The following CUBN variants were observed in gnomAD, a reference collection of about 807,000 sequenced individuals.
CUBN encodes cubilin.
A neutral mutation model predicts 405.3 loss-of-function variants in CUBN; 282 were observed. The observed-to-expected ratio is 0.70, with a 90% CI of 0.63 to 0.77. The LOEUF (loss-of-function observed/expected upper bound fraction) is 0.77, where lower values mean the gene tolerates loss of function less well. CUBN is among the 30% of genes least tolerant of loss of function. The pLI is 0.00. For synonymous variants in CUBN, 1,684 were observed against 1,617.0 expected, an observed-to-expected ratio of 1.04 and a Z score of -0.99; for missense variants, 4,514 against 4,475.2, an observed-to-expected ratio of 1.01 and a Z score of -0.25.
intron 13 of CUBN, among the ~76,000 whole-genome samples, chr10:17,101,727 G>T (rs1292751287): frequency 1.3e-5 from 2 of 152,138 alleles, no homozygotes; most frequent in Admixed American, 6.5e-5. Context: ...AGCGTTCACG[G>T]AGCGGCTCAG....
At chr10:16,844,269 C>CA (rs374730071) in intron 60 of CUBN, among the ~76,000 whole-genome samples, 82,124 of 132,078 alleles carry the variant, frequency 0.62, 27,478 homozygotes, top group Non-Finnish European at 0.75. Context: ...AACTCTGTCC[C>CA]CAAAAAAAAA....
At chr10:16,963,749 A>G (rs950289659) in intron 31 of CUBN, among the ~76,000 whole-genome samples, 1 of 152,246 alleles carries the variant, frequency 6.6e-6, no homozygotes, top group African/African-American at 2.4e-5. Context: ...TGTATGCATT[A>G]CAATGCAGAA....
intron 59 of CUBN, among the ~76,000 whole-genome samples, chr10:16,868,196 G>A (rs192307390): frequency 6.6e-6 from 1 of 152,192 alleles, no homozygotes; most frequent in Non-Finnish European, 1.5e-5. Flanking sequence ...CAGCTAAGTA[G>A]GGGAGGTGGC....
At chr10:16,989,897 G>A (rs1176696808) in intron 29 of CUBN, among the ~76,000 whole-genome samples, 5 of 152,194 alleles carry the variant, frequency 3.3e-5, no homozygotes, top group Non-Finnish European at 7.3e-5. Flanking sequence ...TCTTTCTGGG[G>A]GAGCTTTCTC....
intron 60 of CUBN, among the ~76,000 whole-genome samples, chr10:16,841,506 CCTAA>C (rs1435924643): frequency 7.9e-5 from 12 of 152,132 alleles, no homozygotes; most frequent in Non-Finnish European, 1.3e-4. Flanking sequence ...CTGAAATCCT[CCTAA>C]CTGCTTCCCA....
chr10:16,895,296 T>G (rs1309784038), intron 54 of CUBN, among the ~76,000 whole-genome samples: 1 of 152,088 alleles, frequency 6.6e-6, no homozygotes, highest in African/African-American at 2.4e-5. Context: ...AAATTGTGTA[T>G]TCTGATGTTG....
chr10:17,065,682 G>C (rs768862207), intron 21 of CUBN, 44 bp from the exon 22 acceptor site: 1 of 1,610,276 alleles, frequency 6.2e-7, no homozygotes, highest in Non-Finnish European at 8.5e-7. Context: ...TTTTAGTTTG[G>C]TATACTGAAA....
At chr10:17,002,630 C>T (rs1195105220) in intron 28 of CUBN, among the ~76,000 whole-genome samples, 1 of 152,144 alleles carries the variant, frequency 6.6e-6, no homozygotes, top group Non-Finnish European at 1.5e-5. Flanking sequence ...GTATTTACTG[C>T]TGTCGTCAAG....
chr10:16,973,891 T>C lies in CUBN; in HGVS notation c.4695+8593A>G, dbSNP rs545260874. On this transcript the variant is annotated intron_variant, in intron 31 of 66. Coordinates refer to ENST00000377833, the MANE Select transcript of CUBN (RefSeq NM_001081.4). ...CACGTTTTCTTCATCCCATCCACCA[T>C]TGATGGGCATCTAGGTTGATTCCAT... 2.2e-4 allele frequency among the ~76,000 whole-genome samples: 33 copies of C among 152,326 alleles called. 5 individuals carry two copies. The highest frequency in any genetic ancestry group is 6.8e-3 in the Middle Eastern group (2 of 294).
intron 31 of CUBN, among the ~76,000 whole-genome samples, chr10:16,979,508 A>C (rs771710460): frequency 2.8e-4 from 42 of 152,344 alleles, no homozygotes; most frequent in Middle Eastern, 3.4e-3. Context: ...AGACCAATGG[A>C]ACAGAAGAAA....
chr10:17,016,500 C>G (rs750513677), intron 28 of CUBN, among the ~76,000 whole-genome samples: 1 of 152,100 alleles, frequency 6.6e-6, no homozygotes, highest in Non-Finnish European at 1.5e-5. Flanking sequence ...AGCAAGATAT[C>G]TCTTCAAGTG....
chr10:17,064,273 G>A (rs902436913), intron 22 of CUBN, among the ~76,000 whole-genome samples: 1 of 152,230 alleles, frequency 6.6e-6, no homozygotes, highest in Non-Finnish European at 1.5e-5. Flanking sequence ...TTGAACTGCT[G>A]CAGAGTTTTG....
At position 17,129,802 on chromosome 10, in the gene CUBN, C is replaced by T; in HGVS notation, c.-37G>A. The T allele has an allele frequency of 6.2e-7, 1 of 1,611,726 alleles. No individual in the cohort carries two copies. ...GTTGGCAGGTAAGAGTGAGGCCACT[C>T]CAACCAACTGAGCATGGGATTTTGG... On this transcript the variant is annotated 5_prime_UTR_variant, in exon 1 of 67. Coordinates refer to ENST00000377833, the MANE Select transcript of CUBN (RefSeq NM_001081.4).
intron 58 of CUBN, among the ~76,000 whole-genome samples, chr10:16,871,041 T>TC (rs1290418617): frequency 1.3e-5 from 2 of 151,948 alleles, no homozygotes; most frequent in African/African-American, 4.8e-5. Context: ...TTTCTTTTTT[T>TC]TTTTGAGACA....
chr10:17,068,757 G>T lies in CUBN; in HGVS notation c.2639C>A (p.Ser880Tyr). ...ETDYVEIGSS[S>Y]ILGSPENKKY... ...TTTATTTTCAGGAGAACCCAAAATG[G>T]AACTGCTACCAATCTAAAATTAGAG... Residue 880 changes from serine to tyrosine, a missense_variant, in exon 20 of 67, where the codon TCC becomes TAC. Physicochemically the swap from Ser to Tyr is moderately radical, Grantham distance 144. Coordinates refer to ENST00000377833, the MANE Select transcript of CUBN (RefSeq NM_001081.4). 1 of 1,611,016 alleles carries T rather than the reference G, an allele frequency of 6.2e-7. No individual in the cohort carries two copies. The highest frequency in any genetic ancestry group is 8.5e-7 in the Non-Finnish European group (1 of 1,177,528).
intron 17 of CUBN, among the ~76,000 whole-genome samples, chr10:17,075,373 C>G (rs1008981228): frequency 6.6e-6 from 1 of 151,940 alleles, no homozygotes; most frequent in South Asian, 2.1e-4. Flanking sequence ...TGTGAACCAC[C>G]GTGCCTAGCC....
intron 58 of CUBN, 105 bp downstream of exon 58, chr10:16,874,269 T>A (rs937418616): frequency 8.1e-7 from 1 of 1,229,236 alleles, no homozygotes; most frequent in South Asian, 1.2e-5. Context: ...TAGATTTCCC[T>A]CCAGACTGCC....
Position 16,835,037 on chromosome 10 carries a change from C to A in CUBN, c.10339G>T (p.Glu3447Ter). ...FHSLGIENSV[E>*]CRNDFLEVRN... is the part of the protein sequence containing the mutation. ...ACCTCCAAGAAATCGTTTCTGCATT[C>A]AACTGAGTTCTCGATGCCAAGTGAA... The change falls in exon 64 of 67, where the codon GAA becomes TAA. Residue 3447 changes from glutamate (E) to a stop codon, truncating the protein, a stop_gained. Coordinates refer to ENST00000377833, the MANE Select transcript of CUBN (RefSeq NM_001081.4). LOFTEE classifies it high-confidence loss of function. 3 of 1,614,062 alleles carry A rather than the reference C, an allele frequency of 1.9e-6. No individual in the cohort carries two copies. The highest frequency in any genetic ancestry group is 1.1e-5 in the South Asian group (1 of 91,076).
rs79251736 is a variant in CUBN, at chr10:17,031,958, G to A, written c.4017+9075C>T. On this transcript the variant is annotated intron_variant, in intron 27 of 66. Coordinates refer to ENST00000377833, the MANE Select transcript of CUBN (RefSeq NM_001081.4). ...AAGAAATTTGCCTTTAAACAGATTC[G>A]GAGAGCACAGAGAGAAAGCAAAGCC... Among the ~76,000 whole-genome samples the A allele has an allele frequency of 9.6e-3, 1,459 of 152,302 alleles. 19 individuals carry two copies. Among genetic ancestry groups the A allele is most frequent in the African/African-American group, 0.032 (1,312 of 41,572 alleles).
Sources: gnomAD v4.1 joint callset for allele counts (sites outside exome capture counted in the v4.1 genomes callset) on GRCh38, gnomAD v4.1.1 for gene constraint, MANE v1.5 for transcripts, NCBI Gene and HGNC (gene_info 2026-07-23, HGNC 2026-07-21) for gene names.